Variants in DDHD2 observed in about 807,000 individuals in gnomAD.
DDHD2 encodes the protein DDHD domain containing 2.
In DDHD2, 62 loss-of-function variants were observed where a neutral mutation model predicts 91.2. The ratio of observed to expected loss-of-function variants is 0.68; its 90% CI spans 0.55 to 0.84. DDHD2 has a LOEUF of 0.84. Ranked by LOEUF, DDHD2 falls within the 40% of genes least tolerant of loss-of-function variation. DDHD2 has a pLI of 0.00. For synonymous variants in DDHD2, 271 were observed against 293.9 expected (o/e 0.92, Z 0.80); for missense variants, 740 against 846.9 (o/e 0.87, Z 1.57).
intron 6 of DDHD2, among the ~76,000 whole-genome samples, chr8:38,240,928 G>T (rs1805205365): frequency 6.6e-6 from 1 of 152,000 alleles, no homozygotes; most frequent in South Asian, 2.1e-4. Flanking sequence ...AAAATTAGCC[G>T]GGCGCAGTGG....
downstream of DDHD2, chr8:38,263,720 C>G: frequency 2.0e-6 from 2 of 985,090 alleles, no homozygotes; most frequent in Non-Finnish European, 2.4e-6. Context: ...GTTGGCCATG[C>G]CCTAGATTTT....
intron 16 of DDHD2, 143 bp downstream of exon 16, chr8:38,253,861 C>T (rs1288001187): frequency 2.5e-6 from 2 of 805,036 alleles, no homozygotes; most frequent in Non-Finnish European, 2.0e-6. Flanking sequence ...GGGAGGATTG[C>T]TTGAGTTCAG....
chr8:38,242,655 C>T (rs186527415), intron 7 of DDHD2, among the ~76,000 whole-genome samples: 28 of 152,162 alleles, frequency 1.8e-4, no homozygotes, highest in African/African-American at 6.0e-4. Flanking sequence ...TGCTATCTTC[C>T]CATAGTGTAT....
At chr8:38,249,391 C>T (rs370532130) in intron 10 of DDHD2, among the ~76,000 whole-genome samples, 20 of 151,550 alleles carry the variant, frequency 1.3e-4, no homozygotes, top group Non-Finnish European at 2.4e-4. Flanking sequence ...CGTGAGCCAC[C>T]GCGCCTGGCC....
At chr8:38,253,174 C>A in intron 15 of DDHD2, 47 bp downstream of exon 15, 1 of 1,524,772 alleles carries the variant, frequency 6.6e-7, no homozygotes, top group Non-Finnish European at 8.9e-7. Context: ...AAGAGGGATG[C>A]CATGGTGTGG....
At chr8:38,249,654 A>C (rs1805949456) in intron 10 of DDHD2, 54 bp from the exon 11 acceptor site, 7 of 1,307,288 alleles carry the variant, frequency 5.4e-6, no homozygotes, top group Non-Finnish European at 6.5e-6. Context: ...CTTAGGGGAC[A>C]GGATTGATTT....
chr8:38,264,793 T>C, downstream of DDHD2: 2 of 1,514,036 alleles, frequency 1.3e-6, no homozygotes, highest in South Asian at 1.3e-5. Context: ...GTATTATCAT[T>C]GTCAGGTTGC....
At chr8:38,267,898 T>G (rs1426212845) in intron 1 of DDHD2, 1 of 1,613,978 alleles carries the variant, frequency 6.2e-7, no homozygotes, top group Non-Finnish European at 8.5e-7. Context: ...GTCACTTACC[T>G]CCCTACGATC....
At chr8:38,241,342 T>C (rs955364189) in intron 6 of DDHD2, among the ~76,000 whole-genome samples, 4 of 151,966 alleles carry the variant, frequency 2.6e-5, no homozygotes, top group Non-Finnish European at 4.4e-5. Context: ...AAAAAAAAAA[T>C]GAAACAGTTC....
intron 16 of DDHD2, among the ~76,000 whole-genome samples, chr8:38,255,118 C>T (rs1806406841): frequency 6.7e-6 from 1 of 149,150 alleles, no homozygotes; most frequent in Non-Finnish European, 1.5e-5. Flanking sequence ...TTGCCTGAAC[C>T]TGGGAGGCAG....
chr8:38,263,197 A>C (rs1807166908), downstream of DDHD2: 2 of 162,108 alleles, frequency 1.2e-5, no homozygotes, highest in Admixed American at 6.5e-5. Context: ...TACACATAAA[A>C]GACAATGTCA....
chr8:38,255,150 C>A (rs1055078694), intron 16 of DDHD2, among the ~76,000 whole-genome samples: 1 of 140,784 alleles, frequency 7.1e-6, no homozygotes, highest in Non-Finnish European at 1.5e-5. Flanking sequence ...AGCGAGATCA[C>A]GGCCACCGCA....
At chr8:38,233,887 C>T (rs531543308) in intron 2 of DDHD2, among the ~76,000 whole-genome samples, 1 of 151,248 alleles carries the variant, frequency 6.6e-6, no homozygotes, top group East Asian at 1.9e-4. Context: ...CAAGATTGTG[C>T]CACTGGACTC....
intron 16 of DDHD2, chr8:38,255,416 G>A (rs1806441842): frequency 4.6e-6 from 2 of 435,282 alleles, no homozygotes; most frequent in Admixed American, 6.3e-5. Context: ...ATTTCTGTGT[G>A]GGCAGTACAT....
At chr8:38,251,820 C>A in intron 11 of DDHD2, 92 bp from the exon 12 acceptor site, 1 of 829,914 alleles carries the variant, frequency 1.2e-6, no homozygotes. Context: ...ACAATCCTAC[C>A]TACCTACCTA....
At chr8:38,233,938 A>G (rs1352113546) in intron 2 of DDHD2, among the ~76,000 whole-genome samples, 1 of 151,684 alleles carries the variant, frequency 6.6e-6, no homozygotes, top group Non-Finnish European at 1.5e-5. Context: ...AAAAAAAAAA[A>G]AAGAAAAGAA....
At chr8:38,251,888 A>G (rs553157466) in intron 11 of DDHD2, 24 bp from the exon 12 acceptor site, 129 of 1,572,236 alleles carry the variant, frequency 8.2e-5, no homozygotes, top group Non-Finnish European at 1.1e-4. Context: ...CAGCTTCTCC[A>G]CATAACTATT....
chr8:38,240,063 C>G (rs1053758995), intron 5 of DDHD2, among the ~76,000 whole-genome samples: 1 of 151,846 alleles, frequency 6.6e-6, no homozygotes, highest in Admixed American at 6.6e-5. Flanking sequence ...AGAAAAAAGT[C>G]CTGAAAAAAA....
chr8:38,232,424 C>T (rs1447238811), intron 1 of DDHD2, among the ~76,000 whole-genome samples: 1 of 152,262 alleles, frequency 6.6e-6, no homozygotes, highest in Non-Finnish European at 1.5e-5. Context: ...CACCGTGGCC[C>T]CAGGCGAGGT....
Sources: allele counts gnomAD v4.1 joint callset (sites outside exome capture counted in the v4.1 genomes callset), GRCh38; gene constraint gnomAD v4.1.1; transcripts MANE v1.5; gene names NCBI Gene and HGNC (gene_info 2026-07-23, HGNC 2026-07-21).